The following PPP2R5C variants were observed in gnomAD, a reference collection of about 807,000 sequenced individuals.
PPP2R5C encodes the protein serine/threonine-protein phosphatase 2A 56 kDa regulatory subunit gamma isoform.
In PPP2R5C, 7 loss-of-function variants were observed where a neutral mutation model predicts 68.9. The ratio of observed to expected loss-of-function variants is 0.10; its 90% CI spans 0.06 to 0.19. The LOEUF is 0.19. Among genes scored for constraint, PPP2R5C ranks in the 10% least tolerant of loss-of-function variants. The pLI, the probability that PPP2R5C is intolerant of heterozygous loss-of-function variation, is 1.00. For missense variants in PPP2R5C, 348 were observed against 641.3 expected, an observed-to-expected ratio of 0.54 and a Z score of 4.94; for synonymous variants, 210 against 222.2, an observed-to-expected ratio of 0.95 and a Z score of 0.49.
chr14:101,924,445 C>CTTTTTTATTTTTTTTTTTTTTTTTTTTTT (rs2047178731), intron 13 of PPP2R5C, among the ~76,000 whole-genome samples: 1 of 84,502 alleles, frequency 1.2e-5, no homozygotes, highest in Non-Finnish European at 2.6e-5. Context: ...ATTTCTACAT[C>CTTTTTTATTTTTTTTTTTTTTTTTTTTTT]TTTTTTTTTT....
upstream of PPP2R5C, among the ~76,000 whole-genome samples, chr14:101,761,070 AGGAGGGAAGG>A (rs1204638996): frequency 5.4e-4 from 12 of 22,390 alleles, no homozygotes; most frequent in African/African-American, 2.0e-3. Flanking sequence ...GTGGAGGGAG[AGGAGGGAAGG>A]GGAGGGGAGG....
intron 3 of PPP2R5C, among the ~76,000 whole-genome samples, chr14:101,790,861 A>G (rs1036914725): frequency 6.6e-6 from 1 of 152,176 alleles, no homozygotes; most frequent in Admixed American, 6.5e-5. Flanking sequence ...CGGGCGGATC[A>G]TGAGGTCAGG....
At chr14:101,903,952 GCA>G (rs2045874083) in intron 9 of PPP2R5C, among the ~76,000 whole-genome samples, 1 of 152,068 alleles carries the variant, frequency 6.6e-6, no homozygotes, top group Non-Finnish European at 1.5e-5. Context: ...GAGATTACAG[GCA>G]TAAGCCACCG....
At chr14:101,910,421 A>G (rs190565613) in intron 11 of PPP2R5C, among the ~76,000 whole-genome samples, 83 of 152,036 alleles carry the variant, frequency 5.5e-4, no homozygotes, top group South Asian at 2.9e-3. Context: ...GTGTGTGTGT[A>G]TATATATGAA....
intron 2 of PPP2R5C, among the ~76,000 whole-genome samples, chr14:101,858,308 G>A (rs973989878): frequency 2.0e-5 from 3 of 151,732 alleles, no homozygotes; most frequent in Non-Finnish European, 4.4e-5. Context: ...ATTTTGTTTT[G>A]CGCATCACAT....
Position 101,915,894 on chromosome 14 carries a change from A to G in PPP2R5C, c.1327-1937A>G, listed in dbSNP as rs757813474. 6.6e-6 allele frequency among the ~76,000 whole-genome samples: 1 copy of G among 152,208 alleles called. No homozygotes were observed. Among genetic ancestry groups the G allele is most frequent in the Non-Finnish European group, 1.5e-5 (1 of 68,030 alleles). On this transcript the variant is annotated intron_variant, in intron 12 of 13. Coordinates refer to ENST00000334743, the Ensembl canonical transcript of PPP2R5C. The surrounding 1 kb of genome is among the most constrained non-coding windows in gnomAD (Gnocchi z 4.2). The stretch of plus-strand genomic sequence containing the variant: ...ATCTCTAAAGAAAGACACACACAGT[A>G]CGGGGGCCTGGCCTCTTGGTTTGAC...
At chr14:101,921,132 A>G (rs1410870696) in intron 13 of PPP2R5C, 2 of 207,862 alleles carry the variant, frequency 9.6e-6, no homozygotes, top group South Asian at 4.0e-5. Context: ...CAGTGGCACA[A>G]TCTTGGCTCA....
Position 101,910,399 on chromosome 14 carries a change from C to G in PPP2R5C, c.1253+709C>G, listed in dbSNP as rs564963520. On this transcript the variant is annotated intron_variant, in intron 11 of 13. Transcript: ENST00000334743. Reference sequence around the variant, plus strand: ...ATACACTGTATACATATGTGTGTATCTATGTGTGTGTGTGTGTGTGTATAT... The same window carrying G: ...ATACACTGTATACATATGTGTGTATGTATGTGTGTGTGTGTGTGTGTATAT... Among the ~76,000 whole-genome samples the G allele has an allele frequency of 7.0e-3, 948 of 134,684 alleles. 12 individuals carry two copies. The highest frequency in any genetic ancestry group is 0.032 in the African/African-American group (892 of 28,300). 88.4% of individuals were successfully genotyped at this position (134,684 alleles called of 152,430 possible).
chr14:101,847,722 G>A (rs551439726), intron 1 of PPP2R5C, among the ~76,000 whole-genome samples: 1 of 150,422 alleles, frequency 6.6e-6, no homozygotes, highest in African/African-American at 2.5e-5. Context: ...GAGTGTGGTG[G>A]CGTGATCTCA....
At chr14:101,780,557 G>T (rs1304758302) in intron 2 of PPP2R5C, among the ~76,000 whole-genome samples, 1 of 152,108 alleles carries the variant, frequency 6.6e-6, no homozygotes, top group Non-Finnish European at 1.5e-5. Flanking sequence ...TCGACTGCCC[G>T]GTGCTGCGGG....
intron 3 of PPP2R5C, among the ~76,000 whole-genome samples, chr14:101,798,556 C>T (rs2038720473): frequency 2.0e-5 from 3 of 152,212 alleles, no homozygotes; most frequent in African/African-American, 4.8e-5. Context: ...ATCATGAGTT[C>T]AAGCCCAGCC....
At position 101,837,213 on chromosome 14, in the gene PPP2R5C, G is replaced by A. The variant is rs754609248; in HGVS notation, c.95-19473G>A. Among the ~76,000 whole-genome samples, 5 of 152,052 alleles carry A rather than the reference G, an allele frequency of 3.3e-5. No homozygotes were observed. In the East Asian group the frequency reaches 5.8e-4, roughly 18 times the overall value. On this transcript the variant is annotated intron_variant, in intron 1 of 13. Coordinates refer to ENST00000334743, the Ensembl canonical transcript of PPP2R5C. ...GGCTGGAGTGCAGTGGTGCGATCTC[G>A]GCTCACCGCAACCTCCGCCCCTTGG...
chr14:101,925,202 ACC>A lies in PPP2R5C; in HGVS notation c.1509_1510del (p.Thr505GlnfsTer12). 1 of 1,613,648 alleles carries A rather than the reference ACC, an allele frequency of 6.2e-7. No homozygotes were observed. Among genetic ancestry groups the A allele is most frequent in the Non-Finnish European group, 8.5e-7 (1 of 1,179,906 alleles). The stretch of plus-strand genomic sequence containing the variant: ...CGCCGCAAGTCCGAGCTGCCTCAGG[ACC>A]CCCACACCAAGAAAGCCTTGGAAGC... On this transcript the variant is annotated frameshift_variant, in exon 14 of 14. Transcript: ENST00000334743. LOFTEE classifies it high-confidence loss of function.
Position 101,925,215 on chromosome 14 carries a change from G to A in PPP2R5C, c.1518G>A (p.Lys506=), listed in dbSNP as rs751849172. 1.9e-6 allele frequency: 3 copies of A among 1,613,828 alleles called. No individual in the cohort carries two copies. The South Asian group carries it at 3.3e-5, about 18-fold the overall frequency. Residue 506 remains lysine (K), a synonymous_variant, in exon 14 of 14, where the codon AAG becomes AAA. Transcript: ENST00000334743. ...AGCTGCCTCAGGACCCCCACACCAA[G>A]AAAGCCTTGGAAGCTCACTGCAGGG...
chr14:101,786,253 T>C, intron 3 of PPP2R5C, 70 bp downstream of exon 3: 1 of 1,331,748 alleles, frequency 7.5e-7, no homozygotes, highest in Non-Finnish European at 1.0e-6. Flanking sequence ...TTTGATAGTG[T>C]GCTAATTTAT....
chr14:101,812,994 TAGA>T (rs2039456286), intron 1 of PPP2R5C, among the ~76,000 whole-genome samples: 2 of 152,232 alleles, frequency 1.3e-5, no homozygotes, highest in Non-Finnish European at 2.9e-5. Context: ...CTTCTGTCTG[TAGA>T]AGGAGAGTCA....
intron 10 of PPP2R5C, among the ~76,000 whole-genome samples, chr14:101,908,961 A>T (rs2046230940): frequency 6.6e-6 from 1 of 152,180 alleles, no homozygotes; most frequent in Admixed American, 6.5e-5. Context: ...CTGCGGGTCG[A>T]GCAGGTCCTG....
intron 11 of PPP2R5C, among the ~76,000 whole-genome samples, chr14:101,911,128 A>C (rs981987565): frequency 6.7e-6 from 1 of 149,882 alleles, no homozygotes; most frequent in Non-Finnish European, 1.5e-5. Flanking sequence ...ACAAAAAAAA[A>C]TCAGCCGGGT....
At chr14:101,784,201 G>A (rs981942937) in intron 2 of PPP2R5C, among the ~76,000 whole-genome samples, 1 of 152,138 alleles carries the variant, frequency 6.6e-6, no homozygotes, top group African/African-American at 2.4e-5. Flanking sequence ...AGAAAGTAAA[G>A]CAGCTCTTAT....
Sources: gnomAD v4.1 joint callset for allele counts (sites outside exome capture counted in the v4.1 genomes callset) on GRCh38, gnomAD v4.1.1 for gene constraint, Gnocchi (gnomAD v3.1) non-coding constraint, MANE v1.5 for transcripts, NCBI Gene and HGNC (gene_info 2026-07-23, HGNC 2026-07-21) for gene names.